Variants in PHLPP1 observed in about 807,000 individuals in gnomAD.
PHLPP1 encodes the protein PH domain and leucine rich repeat protein phosphatase 1.
In PHLPP1, 42 loss-of-function variants were observed where a neutral mutation model predicts 117.2. That is an observed-to-expected ratio of 0.36 (90% CI 0.28 to 0.46). The LOEUF (loss-of-function observed/expected upper bound fraction) is 0.46, where lower values mean the gene tolerates loss of function less well. Ranked by LOEUF, PHLPP1 falls within the 20% of genes least tolerant of loss-of-function variation. The pLI is 1.00. For missense variants in PHLPP1, 2,084 were observed against 2,241.9 expected (o/e 0.93, Z 1.42); for synonymous variants, 1,042 against 970.7 (o/e 1.07, Z -1.37).
In PHLPP1 at chr18:62,837,735, A is replaced by G. The variant is rs1305104920; in HGVS notation, c.1774-1049A>G. On this transcript the variant is annotated intron_variant, in intron 2 of 16. Coordinates refer to ENST00000262719, the MANE Select transcript of PHLPP1 (RefSeq NM_194449.4). ...TGTCACCCAGGCTGGATCTCAGCTC[A>G]CTGCAACCTCTGCCTCCTGGGTTTA... The G allele has an allele frequency of 2.7e-5, 4 of 148,980 alleles. No homozygotes were observed. In the Admixed American group the frequency reaches 2.7e-4, roughly 10 times the overall value. 9.2% of individuals were successfully genotyped at this position (148,980 alleles called of 1,614,324 possible).
chr18:62,939,558 C>T (rs1375461064), intron 10 of PHLPP1, among the ~76,000 whole-genome samples: 1 of 151,952 alleles, frequency 6.6e-6, no homozygotes, highest in Non-Finnish European at 1.5e-5. Context: ...GCAGGAGTGA[C>T]CTTTATTTCC....
intron 12 of PHLPP1, among the ~76,000 whole-genome samples, chr18:62,951,067 C>G (rs531441222): frequency 6.6e-6 from 1 of 151,696 alleles, no homozygotes; most frequent in Non-Finnish European, 1.5e-5. Context: ...CCGCAAGTTC[C>G]GCCTCCCAGG....
At chr18:62,871,202 A>G (rs1053672852) in intron 4 of PHLPP1, among the ~76,000 whole-genome samples, 2 of 152,224 alleles carry the variant, frequency 1.3e-5, no homozygotes, top group South Asian at 4.1e-4. Context: ...TTTTTCCCCC[A>G]TGTCTTAATT....
intron 16 of PHLPP1, among the ~76,000 whole-genome samples, 177 bp downstream of exon 16, chr18:62,975,802 CTTG>C (rs1911171321): frequency 6.6e-6 from 1 of 152,222 alleles, no homozygotes; most frequent in Non-Finnish European, 1.5e-5. Context: ...GATGTATATG[CTTG>C]TTGGTTGCCT....
rs1283399866 is a variant in PHLPP1 at position 62,783,116 on chromosome 18, C to T, written c.1577-46919C>T. 2.1e-5 allele frequency among the ~76,000 whole-genome samples: 3 copies of T among 140,160 alleles called. No individual in the cohort carries two copies. In the Admixed American group the frequency reaches 2.2e-4, roughly 10 times the overall value. 92.0% of individuals were successfully genotyped at this position (140,160 alleles called of 152,430 possible). A position where few individuals can be genotyped will look rare whatever the true frequency, so the allele number is the denominator to read the frequency against. ...CCCATCAATGGTACTCATGCTAAAACTTAGTGAGTTAAAAGTATTTGTTTT... is the reference window on the plus strand; with the variant it reads ...CCCATCAATGGTACTCATGCTAAAATTTAGTGAGTTAAAAGTATTTGTTTT... On this transcript the variant is annotated intron_variant, in intron 1 of 16. Transcript: ENST00000262719.
At chr18:62,903,306 A>G in intron 7 of PHLPP1, 140 bp downstream of exon 7, 1 of 636,320 alleles carries the variant, frequency 1.6e-6, no homozygotes, top group African/African-American at 1.8e-5. Flanking sequence ...GTCACAAAAG[A>G]AAAATGCTGA....
intron 1 of PHLPP1, among the ~76,000 whole-genome samples, chr18:62,744,605 A>C (rs576801294): frequency 3.9e-5 from 6 of 152,312 alleles, no homozygotes; most frequent in Admixed American, 1.3e-4. Context: ...TAGGTGCTCA[A>C]TTCTTATTGA....
chr18:62,902,918 T>A, intron 6 of PHLPP1, 46 bp from the exon 7 acceptor site: 10 of 1,162,996 alleles, frequency 8.6e-6, no homozygotes, highest in Non-Finnish European at 1.3e-5. Context: ...CCCATTTACT[T>A]ATAGCATTGC....
At chr18:62,916,247 A>G (rs1027812222) in intron 9 of PHLPP1, among the ~76,000 whole-genome samples, 1 of 151,998 alleles carries the variant, frequency 6.6e-6, no homozygotes, top group African/African-American at 2.4e-5. Flanking sequence ...AATATAAAAT[A>G]TTAATAATAG....
At chr18:62,915,314 G>A (rs1568160172) in intron 9 of PHLPP1, among the ~76,000 whole-genome samples, 1 of 152,094 alleles carries the variant, frequency 6.6e-6, no homozygotes, top group Non-Finnish European at 1.5e-5. Flanking sequence ...CCCACTTCTG[G>A]AATCTTAAGT....
intron 10 of PHLPP1, among the ~76,000 whole-genome samples, chr18:62,936,807 G>A (rs17673573): frequency 0.066 from 10,113 of 152,236 alleles, 394 homozygotes; most frequent in Middle Eastern, 0.12. Flanking sequence ...GAAGAAAGGA[G>A]GACTGATAAT....
intron 12 of PHLPP1, among the ~76,000 whole-genome samples, chr18:62,946,804 A>G (rs1239336968): frequency 6.6e-6 from 1 of 152,180 alleles, no homozygotes; most frequent in Non-Finnish European, 1.5e-5. Context: ...CGGTAATCCC[A>G]GCACTTTGGG....
intron 8 of PHLPP1, among the ~76,000 whole-genome samples, chr18:62,905,635 T>A (rs563047772): frequency 2.6e-5 from 4 of 152,212 alleles, no homozygotes; most frequent in African/African-American, 9.6e-5. Flanking sequence ...ATTTTCAAAA[T>A]TTTTTTTCAA....
At chr18:62,859,168 A>G (rs1294767424) in intron 3 of PHLPP1, among the ~76,000 whole-genome samples, 1 of 152,274 alleles carries the variant, frequency 6.6e-6, no homozygotes, top group African/African-American at 2.4e-5. Flanking sequence ...TGGTAAAGAT[A>G]AATAGGGAGA....
At chr18:62,723,899 C>G (rs1352711025) in intron 1 of PHLPP1, among the ~76,000 whole-genome samples, 1 of 152,190 alleles carries the variant, frequency 6.6e-6, no homozygotes, top group African/African-American at 2.4e-5. Flanking sequence ...AGTCCAAGAT[C>G]TCTTCCAACT....
chr18:62,947,024 G>A lies in PHLPP1; in HGVS notation c.3324+1753G>A, dbSNP rs375135842. Among the ~76,000 whole-genome samples, 15 of 152,344 alleles carry A rather than the reference G, an allele frequency of 9.8e-5. No individual in the cohort carries two copies. In the East Asian group the frequency reaches 2.5e-3, roughly 25 times the overall value. On this transcript the variant is annotated intron_variant, in intron 12 of 16. Transcript: ENST00000262719. ...GCCGAGATCGTGCCACTGCGCTCCA[G>A]CCTGGGCAACAGAGCGAGACTCCGT...
chr18:62,727,112 C>A (rs946335787), intron 1 of PHLPP1, among the ~76,000 whole-genome samples: 3 of 150,966 alleles, frequency 2.0e-5, no homozygotes, highest in African/African-American at 7.3e-5. Flanking sequence ...CCTGTAATCC[C>A]AGCTACTCGG....
intron 10 of PHLPP1, among the ~76,000 whole-genome samples, chr18:62,927,067 C>A (rs1212160345): frequency 6.6e-6 from 1 of 152,058 alleles, no homozygotes; most frequent in African/African-American, 2.4e-5. Flanking sequence ...GCCAGAAATA[C>A]AGTAATTGAA....
intron 10 of PHLPP1, among the ~76,000 whole-genome samples, chr18:62,939,585 C>T (rs752391118): frequency 1.3e-4 from 20 of 151,568 alleles, no homozygotes; most frequent in South Asian, 2.1e-4. Context: ...GTAGCACACA[C>T]GACTATAATT....
Sources: allele counts gnomAD v4.1 joint callset (sites outside exome capture counted in the v4.1 genomes callset), GRCh38; gene constraint gnomAD v4.1.1; transcripts MANE v1.5; gene names NCBI Gene and HGNC (gene_info 2026-07-23, HGNC 2026-07-21).